The following IDO2 variants were observed in gnomAD, a reference collection of about 807,000 sequenced individuals.
IDO2 encodes the protein indoleamine 2,3-dioxygenase 2.
A neutral mutation model predicts 45.1 loss-of-function variants in IDO2; 46 were observed. The observed-to-expected ratio is 1.02, with a 90% CI of 0.80 to 1.30. The LOEUF (loss-of-function observed/expected upper bound fraction) is 1.30, where lower values mean the gene tolerates loss of function less well. Among genes scored for constraint, IDO2 ranks in the 50% most tolerant of loss-of-function variants. IDO2 has a pLI of 0.00. For missense variants in IDO2, 544 were observed against 491.8 expected (o/e 1.11, Z -1.00); for synonymous variants, 218 against 184.9 (o/e 1.18, Z -1.45).
intron 8 of IDO2, among the ~76,000 whole-genome samples, chr8:39,991,964 G>T (rs573175399): frequency 3.9e-5 from 6 of 152,310 alleles, no homozygotes; most frequent in Admixed American, 2.6e-4. Flanking sequence ...CAGGGCTACC[G>T]CCCTTGTTTT....
intron 2 of IDO2, among the ~76,000 whole-genome samples, chr8:39,956,004 T>C (rs1807885536): frequency 6.6e-6 from 1 of 152,184 alleles, no homozygotes; most frequent in South Asian, 2.1e-4. Flanking sequence ...GTTAGTGTTA[T>C]TATTTCAAGG....
intron 3 of IDO2, among the ~76,000 whole-genome samples, chr8:39,968,659 A>T (rs979703365): frequency 1.3e-5 from 2 of 151,792 alleles, no homozygotes; most frequent in East Asian, 3.9e-4. Context: ...GAGTTGAACA[A>T]TGAGAACACA....
chr8:39,986,865 C>CATTATTATTATCATT (rs1554547864), intron 6 of IDO2: 4 of 144,088 alleles, frequency 2.8e-5, no homozygotes, highest in African/African-American at 1.0e-4. Context: ...CACAATATCT[C>CATTATTATTATCATT]ATTATTATTA....
intron 8 of IDO2, among the ~76,000 whole-genome samples, chr8:39,990,738 C>T (rs1438856658): frequency 6.6e-6 from 1 of 152,196 alleles, no homozygotes; most frequent in African/African-American, 2.4e-5. Context: ...TTGCAATGCC[C>T]TATTCCAGAA....
chr8:39,939,711 A>AAG, intron 1 of IDO2, among the ~76,000 whole-genome samples: 1 of 151,798 alleles, frequency 6.6e-6, no homozygotes. Flanking sequence ...AAAAAAAAAA[A>AAG]AGTAGGCTGC....
chr8:39,960,329 T>TCTC (rs10633116), intron 2 of IDO2, among the ~76,000 whole-genome samples: 55,189 of 151,882 alleles, frequency 0.36, 10,496 homozygotes, highest in East Asian at 0.58. Flanking sequence ...CTCTAGATCT[T>TCTC]CTACTGCTGC....
chr8:39,990,003 TGGAGA>T (rs942539102), intron 8 of IDO2, among the ~76,000 whole-genome samples, 165 bp downstream of exon 8: 5 of 152,184 alleles, frequency 3.3e-5, no homozygotes, highest in African/African-American at 1.2e-4. Context: ...CATATTATCT[TGGAGA>T]GCTATTGTCA....
chr8:39,942,113 G>C (rs1807651373), intron 1 of IDO2, among the ~76,000 whole-genome samples: 1 of 151,866 alleles, frequency 6.6e-6, no homozygotes, highest in Non-Finnish European at 1.5e-5. Context: ...AAATAAGAAA[G>C]AATTTTTAGA....
At chr8:40,013,298 G>A (rs1255332679) in intron 9 of IDO2, among the ~76,000 whole-genome samples, 2 of 152,072 alleles carry the variant, frequency 1.3e-5, no homozygotes, top group African/African-American at 4.8e-5. Context: ...TGGGACCTGT[G>A]CCACAAATTC....
intron 1 of IDO2, among the ~76,000 whole-genome samples, chr8:39,939,233 A>T (rs1478304770): frequency 3.0e-5 from 3 of 100,724 alleles, no homozygotes; most frequent in African/African-American, 7.4e-5. Flanking sequence ...ACAGAGCAAG[A>T]CTCCATCTCA....
rs780050793 is a variant in IDO2, at chr8:39,949,247, C to A, written c.82C>A (p.Leu28Ile). The A allele has an allele frequency of 1.8e-5, 29 of 1,594,400 alleles. No homozygotes were observed. Among genetic ancestry groups the A allele is most frequent in the Admixed American group, 1.4e-4 (8 of 57,104 alleles). ...TCACATATCTGAAGAGTATGGCTTT[C>A]TTCTTCCAGATTCTCTGGTAAGGAT... The change falls in exon 2 of 11, where the codon CTT (leucine) becomes ATT (isoleucine). Residue 28 changes from leucine to isoleucine, a missense_variant. Coordinates refer to ENST00000502986, the Ensembl canonical transcript of IDO2.
intron 8 of IDO2, 118 bp from the exon 9 acceptor site, chr8:40,005,209 C>A: frequency 1.9e-6 from 1 of 538,498 alleles, no homozygotes; most frequent in Non-Finnish European, 3.3e-6. Context: ...GCTTTCATTC[C>A]AGGTCTCCAT....
chr8:39,978,648 G>A (rs1808297274), intron 3 of IDO2, among the ~76,000 whole-genome samples: 1 of 152,084 alleles, frequency 6.6e-6, no homozygotes, highest in Admixed American at 6.6e-5. Context: ...CTGTTGCAGG[G>A]TCAGCGATAG....
chr8:39,962,754 T>C (rs1043563599), intron 2 of IDO2, among the ~76,000 whole-genome samples: 2 of 152,368 alleles, frequency 1.3e-5, no homozygotes, highest in Admixed American at 1.3e-4. Flanking sequence ...CATGAATTCC[T>C]GGTGGTTCCA....
chr8:39,937,237 T>C (rs1346571568), intron 1 of IDO2, among the ~76,000 whole-genome samples: 1 of 152,208 alleles, frequency 6.6e-6, no homozygotes, highest in Non-Finnish European at 1.5e-5. Flanking sequence ...CAGTTTATCA[T>C]GCAGGTGGGA....
rs138707549 is a variant in IDO2, at chr8:40,001,211, G to A, written c.668-4116G>A. The stretch of plus-strand genomic sequence containing the variant: ...CTGTGTATACAGGTACTCACCATTC[G>A]TGCCTATTTTCTGTAAAATATGTGG... On this transcript the variant is annotated intron_variant, in intron 8 of 10. Transcript: ENST00000502986. 9.1e-4 allele frequency among the ~76,000 whole-genome samples: 132 copies of A among 145,446 alleles called. 1 individual carries two copies. The highest frequency in any genetic ancestry group is 6.0e-3 in the East Asian group (30 of 4,994).
intron 9 of IDO2, among the ~76,000 whole-genome samples, chr8:40,009,898 C>A (rs970421869): frequency 6.6e-6 from 1 of 152,066 alleles, no homozygotes; most frequent in African/African-American, 2.4e-5. Context: ...ATAATACATA[C>A]TTGTAGGATG....
intron 5 of IDO2, among the ~76,000 whole-genome samples, chr8:39,984,457 A>G (rs1808395116): frequency 6.6e-6 from 1 of 152,268 alleles, no homozygotes; most frequent in Non-Finnish European, 1.5e-5. Context: ...CCTGGGTGAC[A>G]GAGTGAGATC....
intron 9 of IDO2, among the ~76,000 whole-genome samples, chr8:40,010,075 A>G (rs1490281216): frequency 1.3e-5 from 2 of 152,216 alleles, no homozygotes; most frequent in East Asian, 3.9e-4. Context: ...AAGTAAATCT[A>G]ATAAAAGCGT....
Sources: allele counts gnomAD v4.1 joint callset (sites outside exome capture counted in the v4.1 genomes callset), GRCh38; gene constraint gnomAD v4.1.1; transcripts MANE v1.5; gene names NCBI Gene and HGNC (gene_info 2026-07-23, HGNC 2026-07-21).